The following PRKCH variants were observed in gnomAD, a reference collection of about 807,000 sequenced individuals.
The protein encoded by PRKCH is protein kinase C eta type.
PRKCH carries 28 observed loss-of-function variants against 82.5 expected under a neutral mutation model. The observed-to-expected ratio is 0.34, with a 90% CI of 0.25 to 0.47. The LOEUF is 0.47. Ranked by LOEUF, PRKCH falls within the 20% of genes least tolerant of loss-of-function variation. The pLI is 1.00. For missense variants in PRKCH, 705 were observed against 881.8 expected (o/e 0.80, Z 2.54); for synonymous variants, 322 against 327.4 (o/e 0.98, Z 0.18).
intron 1 of PRKCH, chr14:61,348,086 T>C (rs1407245247): frequency 2.0e-5 from 3 of 152,244 alleles, no homozygotes; most frequent in African/African-American, 7.2e-5. Flanking sequence ...ATTTATTTGA[T>C]GGTCAGCCTT....
chr14:61,481,692 C>T (rs1885979929), intron 9 of PRKCH, among the ~76,000 whole-genome samples: 1 of 152,206 alleles, frequency 6.6e-6, no homozygotes, highest in South Asian at 2.1e-4. Context: ...TCACCCCGAT[C>T]CCACAACAAA....
chr14:61,328,227 G>A (rs902567807), intron 1 of PRKCH, among the ~76,000 whole-genome samples: 4 of 134,654 alleles, frequency 3.0e-5, no homozygotes, highest in South Asian at 4.7e-4. Flanking sequence ...TCCGCAGTCC[G>A]GCCTGGGCAA....
At chr14:61,345,076 T>C (rs894193226) in intron 1 of PRKCH, among the ~76,000 whole-genome samples, 3 of 152,172 alleles carry the variant, frequency 2.0e-5, no homozygotes, top group African/African-American at 7.2e-5. Flanking sequence ...TTCTGGTATA[T>C]TTCTTAACAA....
chr14:61,312,533 T>C (rs1240316347), intron 1 of PRKCH, among the ~76,000 whole-genome samples: 9 of 152,222 alleles, frequency 5.9e-5, no homozygotes, highest in African/African-American at 1.7e-4. Context: ...CATACTGCTA[T>C]GAAGAAATAC....
intron 10 of PRKCH, among the ~76,000 whole-genome samples, chr14:61,494,405 T>C (rs1445580894): frequency 1.3e-5 from 2 of 152,376 alleles, no homozygotes; most frequent in African/African-American, 2.4e-5. Flanking sequence ...AAAGATCACT[T>C]ACTTTAGAGT....
intron 4 of PRKCH, among the ~76,000 whole-genome samples, chr14:61,446,865 A>G (rs1442793863): frequency 6.6e-6 from 1 of 152,212 alleles, no homozygotes; most frequent in Non-Finnish European, 1.5e-5. Context: ...TGAGTTTAAA[A>G]CATGGGATTT....
At chr14:61,377,372 A>G (rs142324778) in intron 1 of PRKCH, among the ~76,000 whole-genome samples, 5 of 152,314 alleles carry the variant, frequency 3.3e-5, no homozygotes, top group East Asian at 1.9e-4. Context: ...CCCCAGCCGT[A>G]TGTTTAACTA....
At chr14:61,445,582 A>C (rs892755185) in intron 3 of PRKCH, 110 bp from the exon 4 acceptor site, 121 of 966,692 alleles carry the variant, frequency 1.3e-4, no homozygotes, top group Non-Finnish European at 6.1e-5. Flanking sequence ...TTCTTCCCTG[A>C]AATTGTGTTT....
At chr14:61,437,188 A>G (rs1216727221) in intron 2 of PRKCH, among the ~76,000 whole-genome samples, 1 of 152,144 alleles carries the variant, frequency 6.6e-6, no homozygotes, top group African/African-American at 2.4e-5. Flanking sequence ...ACGCGTCCTA[A>G]TCTCTGTTTG....
chr14:61,277,085 C>G (rs1416485277), intron 1 of PRKCH, among the ~76,000 whole-genome samples: 3 of 152,082 alleles, frequency 2.0e-5, no homozygotes, highest in Non-Finnish European at 4.4e-5. Flanking sequence ...ACTTGGGAGG[C>G]TGAGACACGA....
At chr14:61,401,594 C>T (rs1361584142) in intron 2 of PRKCH, among the ~76,000 whole-genome samples, 1 of 152,106 alleles carries the variant, frequency 6.6e-6, no homozygotes, top group Non-Finnish European at 1.5e-5. Context: ...AAGCATGGCA[C>T]CAAACTATAA....
At chr14:61,474,033 TAG>T (rs1885621778) in intron 9 of PRKCH, among the ~76,000 whole-genome samples, 1 of 151,610 alleles carries the variant, frequency 6.6e-6, no homozygotes, top group African/African-American at 2.4e-5. Flanking sequence ...TAGATGTTTA[TAG>T]AGAGAGAAGA....
intron 1 of PRKCH, among the ~76,000 whole-genome samples, chr14:61,249,393 A>C (rs1177668074): frequency 1.3e-5 from 2 of 152,138 alleles, no homozygotes; most frequent in Non-Finnish European, 2.9e-5. Flanking sequence ...AAATGTAAGA[A>C]GGTGTCTGTT....
rs569649133 is a variant in PRKCH at position 61,550,808 on chromosome 14, C to T, written c.*977C>T. On this transcript the variant is annotated 3_prime_UTR_variant, in exon 14 of 14. Coordinates refer to ENST00000332981, the MANE Select transcript of PRKCH (RefSeq NM_006255.5). ...CAGATTTGTGGCTTATAAACATTAG[C>T]AGTTTATTTATGTTTTAAGATGCAA... 2 of 152,194 alleles carry T rather than the reference C, an allele frequency of 1.3e-5. No individual in the cohort carries two copies. Among genetic ancestry groups the T allele is most frequent in the Admixed American group, 1.3e-4 (2 of 15,282 alleles). 9.4% of individuals were successfully genotyped at this position (152,194 alleles called of 1,614,324 possible).
At chr14:61,427,711 C>T (rs1431820799) in intron 2 of PRKCH, among the ~76,000 whole-genome samples, 1 of 152,002 alleles carries the variant, frequency 6.6e-6, no homozygotes, top group Non-Finnish European at 1.5e-5. Context: ...CTCAGCTGCC[C>T]AAGTAGCTGG....
At chr14:61,360,465 A>G (rs1488512297) in intron 1 of PRKCH, among the ~76,000 whole-genome samples, 1 of 152,152 alleles carries the variant, frequency 6.6e-6, no homozygotes. Context: ...AAGTCGCGCC[A>G]CTGCACTCCA....
chr14:61,540,987 C>A (rs1031949066), intron 12 of PRKCH, among the ~76,000 whole-genome samples: 2 of 152,224 alleles, frequency 1.3e-5, no homozygotes, highest in Non-Finnish European at 2.9e-5. Context: ...CCCATCCCAC[C>A]CCCAGTGGAC....
chr14:61,526,433 C>T (rs986098121), intron 10 of PRKCH, among the ~76,000 whole-genome samples: 2 of 152,214 alleles, frequency 1.3e-5, no homozygotes, highest in African/African-American at 4.8e-5. Flanking sequence ...GAAAGCTTTG[C>T]TGCTTTAACC....
At chr14:61,319,771 G>A (rs2045593107), upstream of PRKCH, among the ~76,000 whole-genome samples, 1 of 152,178 alleles carries the variant, frequency 6.6e-6, no homozygotes, top group African/African-American at 2.4e-5. Flanking sequence ...GAGCCCCCTG[G>A]ACGTTTGGGA....
Sources: gnomAD v4.1 joint callset for allele counts (sites outside exome capture counted in the v4.1 genomes callset) on GRCh38, gnomAD v4.1.1 for gene constraint, MANE v1.5 for transcripts, NCBI Gene and HGNC (gene_info 2026-07-23, HGNC 2026-07-21) for gene names.